Variants in CAPZB observed in about 807,000 individuals in gnomAD.
CAPZB encodes the protein capping actin protein of muscle Z-line subunit beta.
Under a neutral mutation model 38.1 loss-of-function variants are expected in CAPZB, and 2 were observed. The ratio of observed to expected loss-of-function variants is 0.05; its 90% confidence interval spans 0.02 to 0.17. CAPZB has a LOEUF of 0.17. Among genes scored for constraint, CAPZB ranks in the 10% least tolerant of loss-of-function variants. CAPZB has a pLI of 1.00. For missense variants in CAPZB, 161 were observed against 334.2 expected (o/e 0.48, Z 4.04); for synonymous variants, 107 against 127.4 (o/e 0.84, Z 1.08).
intron 3 of CAPZB, among the ~76,000 whole-genome samples, chr1:19,382,462 C>T (rs999779348): frequency 1.3e-5 from 2 of 152,100 alleles, no homozygotes; most frequent in Non-Finnish European, 2.9e-5. Flanking sequence ...GCAACGGTCA[C>T]ACCATAAGGA....
chr1:19,471,815 G>A (rs563117507), intron 1 of CAPZB, among the ~76,000 whole-genome samples: 13 of 149,858 alleles, frequency 8.7e-5, no homozygotes, highest in Admixed American at 3.3e-4. Context: ...GCAGTGAGCC[G>A]AAATCGCTCC....
At chr1:19,411,207 T>C (rs942995098) in intron 2 of CAPZB, among the ~76,000 whole-genome samples, 1 of 152,150 alleles carries the variant, frequency 6.6e-6, no homozygotes, top group African/African-American at 2.4e-5. Context: ...CTATTTTCTA[T>C]GTTTAATTTA....
At chr1:19,418,494 T>A (rs2094389674) in intron 2 of CAPZB, among the ~76,000 whole-genome samples, 1 of 152,214 alleles carries the variant, frequency 6.6e-6, no homozygotes, top group African/African-American at 2.4e-5. Context: ...TCTCTCCGCT[T>A]ACATCACAAG....
At position 19,459,117 on chromosome 1, in the gene CAPZB, T is replaced by A. The variant is rs1444908274; in HGVS notation, c.3+26319A>T. ...AAGGCCTCCTCCACCTTCAACCAGG[T>A]CCCATTTTTCCAGGCCAGAGTCTTA... On this transcript the variant is annotated intron_variant, in intron 1 of 8. Transcript: ENST00000264202. 2.0e-5 allele frequency among the ~76,000 whole-genome samples: 3 copies of A among 152,178 alleles called. No homozygotes were observed. In the East Asian group the frequency reaches 5.8e-4, roughly 29 times the overall value.
At chr1:19,366,694 A>AAAC (rs147171052) in intron 4 of CAPZB, among the ~76,000 whole-genome samples, 2 of 151,834 alleles carry the variant, frequency 1.3e-5, no homozygotes, top group Non-Finnish European at 2.9e-5. Context: ...ATCTCAAAAG[A>AAAC]AACAACAACA....
intron 3 of CAPZB, among the ~76,000 whole-genome samples, chr1:19,379,045 G>A (rs983833747): frequency 4.3e-4 from 65 of 151,288 alleles, no homozygotes; most frequent in African/African-American, 1.6e-3. Context: ...ACAAATGCTA[G>A]TTCTTTCTTA....
chr1:19,421,960 C>T (rs552541763), intron 1 of CAPZB, among the ~76,000 whole-genome samples: 1 of 152,228 alleles, frequency 6.6e-6, no homozygotes, highest in Admixed American at 6.5e-5. Context: ...CCTCCCCGCC[C>T]CTCAACCCAG....
chr1:19,484,154 A>G, intron 1 of CAPZB: 1 of 1,598,404 alleles, frequency 6.3e-7, no homozygotes, highest in South Asian at 1.1e-5. Flanking sequence ...AAACACCACG[A>G]GCGGAGCCAG....
chr1:19,421,482 G>A (rs1261592739), intron 1 of CAPZB, among the ~76,000 whole-genome samples: 1 of 152,210 alleles, frequency 6.6e-6, no homozygotes, highest in Non-Finnish European at 1.5e-5. Flanking sequence ...TGGCTCCCCT[G>A]CAAAGAGAAA....
intron 7 of CAPZB, among the ~76,000 whole-genome samples, 186 bp downstream of exon 7, chr1:19,345,001 A>T (rs376673289): frequency 8.1e-4 from 124 of 152,336 alleles, no homozygotes; most frequent in Middle Eastern, 6.8e-3. Flanking sequence ...CTGAAGCTGG[A>T]GCCTGCTGGC....
intron 2 of CAPZB, among the ~76,000 whole-genome samples, chr1:19,390,151 C>T (rs1048922182): frequency 6.6e-6 from 1 of 152,260 alleles, no homozygotes; most frequent in African/African-American, 2.4e-5. Context: ...AGTCCCTACA[C>T]TCATCTGAAC....
intron 2 of CAPZB, 94 bp from the exon 3 acceptor site, chr1:19,385,720 C>G (rs745538853): frequency 6.8e-7 from 1 of 1,476,558 alleles, no homozygotes; most frequent in Non-Finnish European, 9.5e-7. Context: ...GTGGTCAGTA[C>G]CTTTAACATC....
In CAPZB at chr1:19,357,277, C is replaced by T; in HGVS notation, c.471+145G>A. On this transcript the variant is annotated intron_variant, in intron 5 of 8. Coordinates refer to ENST00000264202, the MANE Select transcript of CAPZB (RefSeq NM_004930.5). This position sits in a 1 kb window ranked among gnomAD's most constrained non-coding sequence, Gnocchi z 4.3. ...ATGACTACTGCAGACTTATCTTTAT[C>T]CAAATGGCTTTGAGGCATTTCTCAG... 1 of 690,668 alleles carries T rather than the reference C, an allele frequency of 1.4e-6. No homozygotes were observed. The highest frequency in any genetic ancestry group is 1.9e-5 in the South Asian group (1 of 53,596). 42.8% of individuals were successfully genotyped at this position (690,668 alleles called of 1,614,324 possible). A position where few individuals can be genotyped will look rare whatever the true frequency, so the allele number is the denominator to read the frequency against.
chr1:19,393,868 T>G (rs968286811), intron 2 of CAPZB, among the ~76,000 whole-genome samples: 1 of 152,186 alleles, frequency 6.6e-6, no homozygotes, highest in African/African-American at 2.4e-5. Context: ...GGGCAGGGGC[T>G]CAGTGCCTAC....
intron 1 of CAPZB, among the ~76,000 whole-genome samples, chr1:19,420,848 A>T (rs2094398726): frequency 6.6e-6 from 1 of 152,200 alleles, no homozygotes; most frequent in Admixed American, 6.5e-5. Flanking sequence ...TATAAAAAAT[A>T]AATAAATAAA....
chr1:19,342,697 G>T (rs368735647), intron 8 of CAPZB: 7 of 1,094,378 alleles, frequency 6.4e-6, no homozygotes, highest in East Asian at 2.4e-5. Context: ...GGGTCTCGGC[G>T]GGTTGGTGAG....
At chr1:19,368,982 A>G (rs532214450) in intron 4 of CAPZB, among the ~76,000 whole-genome samples, 1 of 152,336 alleles carries the variant, frequency 6.6e-6, no homozygotes, top group Admixed American at 6.5e-5. Context: ...GTTTCACTCC[A>G]ACATGTGCAA....
intron 1 of CAPZB, among the ~76,000 whole-genome samples, chr1:19,479,631 C>A (rs546351806): frequency 6.6e-6 from 1 of 152,204 alleles, no homozygotes; most frequent in Non-Finnish European, 1.5e-5. Flanking sequence ...CACAGCTGCA[C>A]AGTGGCCAGG....
At chr1:19,389,398 G>T (rs1455863664) in intron 2 of CAPZB, among the ~76,000 whole-genome samples, 1 of 151,584 alleles carries the variant, frequency 6.6e-6, no homozygotes, top group Non-Finnish European at 1.5e-5. Context: ...ATTTTAGTAT[G>T]ACTACTTCCT....
Sources: allele counts gnomAD v4.1 joint callset (sites outside exome capture counted in the v4.1 genomes callset), GRCh38; gene constraint gnomAD v4.1.1; non-coding constraint Gnocchi (gnomAD v3.1); transcripts MANE v1.5; gene names NCBI Gene and HGNC (gene_info 2026-07-23, HGNC 2026-07-21).